CNTN4: variants seen among roughly 807,000 people sequenced by gnomAD.
CNTN4 encodes contactin 4.
A neutral mutation model predicts 122.5 loss-of-function variants in CNTN4; 77 were observed. The ratio of observed to expected loss-of-function variants is 0.63; its 90% CI spans 0.52 to 0.76. The LOEUF is 0.76. Among genes scored for constraint, CNTN4 ranks in the 30% least tolerant of loss-of-function variants. CNTN4 has a pLI of 0.00. For missense variants in CNTN4, 1,256 were observed against 1,259.1 expected, an observed-to-expected ratio of 1.00 and a Z score of 0.04; for synonymous variants, 512 against 447.0, an observed-to-expected ratio of 1.15 and a Z score of -1.83.
chr3:2,567,151 A>T (rs2079203163), intron 3 of CNTN4, among the ~76,000 whole-genome samples: 1 of 145,218 alleles, frequency 6.9e-6, no homozygotes, highest in African/African-American at 2.6e-5. Context: ...GTGATGCACG[A>T]TCTCGGCTCA....
At chr3:2,959,690 A>T (rs1486794023) in intron 13 of CNTN4, among the ~76,000 whole-genome samples, 1 of 151,878 alleles carries the variant, frequency 6.6e-6, no homozygotes, top group Admixed American at 6.6e-5. Flanking sequence ...AAAAAAAAAA[A>T]TCTTCTACTC....
intron 2 of CNTN4, among the ~76,000 whole-genome samples, chr3:2,332,468 G>C (rs960864129): frequency 6.6e-6 from 1 of 151,980 alleles, no homozygotes; most frequent in Non-Finnish European, 1.5e-5. Context: ...CATTTGATTA[G>C]AAACAGAGAC....
At chr3:2,388,127 T>A (rs1445359542) in intron 3 of CNTN4, among the ~76,000 whole-genome samples, 1 of 152,242 alleles carries the variant, frequency 6.6e-6, no homozygotes, top group Non-Finnish European at 1.5e-5. Context: ...TTTTGTGTTT[T>A]GTCTGCAGAA....
At chr3:2,183,792 C>A (rs2037127337) in intron 2 of CNTN4, among the ~76,000 whole-genome samples, 1 of 152,068 alleles carries the variant, frequency 6.6e-6, no homozygotes, top group African/African-American at 2.4e-5. Context: ...AGTCACATAA[C>A]CACCCCAAGC....
At chr3:2,658,095 A>G (rs1400743277) in intron 4 of CNTN4, among the ~76,000 whole-genome samples, 1 of 150,120 alleles carries the variant, frequency 6.7e-6, no homozygotes, top group African/African-American at 2.5e-5. Flanking sequence ...TGCTGTGCTT[A>G]TGAGACAGCC....
At chr3:3,038,397 C>T (rs1699814518) in intron 18 of CNTN4, among the ~76,000 whole-genome samples, 1 of 152,162 alleles carries the variant, frequency 6.6e-6, no homozygotes, top group South Asian at 2.1e-4. Context: ...ACTCTTCCTC[C>T]CAGAAGCCAT....
At chr3:2,544,626 A>G (rs1021129123) in intron 3 of CNTN4, among the ~76,000 whole-genome samples, 1 of 151,936 alleles carries the variant, frequency 6.6e-6, no homozygotes, top group Non-Finnish European at 1.5e-5. Flanking sequence ...GGTTTTATCC[A>G]TTTCTTCTAG....
chr3:2,361,168 G>A (rs1475477283), intron 3 of CNTN4, among the ~76,000 whole-genome samples: 1 of 152,074 alleles, frequency 6.6e-6, no homozygotes, highest in Non-Finnish European at 1.5e-5. Context: ...AATCTTAATA[G>A]CATTTTCTCT....
At chr3:2,802,093 C>T (rs1170942580) in intron 6 of CNTN4, among the ~76,000 whole-genome samples, 2 of 151,986 alleles carry the variant, frequency 1.3e-5, no homozygotes, top group Non-Finnish European at 2.9e-5. Flanking sequence ...ATTATTGTTA[C>T]CATCATTATC....
At chr3:2,265,047 G>C (rs2040987630) in intron 2 of CNTN4, among the ~76,000 whole-genome samples, 2 of 151,938 alleles carry the variant, frequency 1.3e-5, no homozygotes, top group South Asian at 4.1e-4. Context: ...AAAGTCCATT[G>C]TATCATTCTT....
chr3:2,111,545 A>C (rs972057884), intron 2 of CNTN4, among the ~76,000 whole-genome samples: 2 of 152,108 alleles, frequency 1.3e-5, no homozygotes, highest in African/African-American at 2.4e-5. Context: ...GGAAAACACT[A>C]TTTTATGTGA....
At chr3:2,877,764 A>G (rs2093861520) in intron 8 of CNTN4, among the ~76,000 whole-genome samples, 1 of 152,192 alleles carries the variant, frequency 6.6e-6, no homozygotes, top group African/African-American at 2.4e-5. Flanking sequence ...GCACCAATTA[A>G]TTGCAAAAGC....
chr3:2,392,868 C>T (rs1388742179), intron 3 of CNTN4, among the ~76,000 whole-genome samples: 1 of 152,080 alleles, frequency 6.6e-6, no homozygotes, highest in Non-Finnish European at 1.5e-5. Context: ...CAATAGAACA[C>T]CAAAACTCAT....
chr3:2,470,904 G>C (rs72997983), intron 3 of CNTN4, among the ~76,000 whole-genome samples: 1 of 152,088 alleles, frequency 6.6e-6, no homozygotes, highest in Non-Finnish European at 1.5e-5. Flanking sequence ...TGGATGCTTC[G>C]AGAGATGAAA....
At chr3:2,308,296 T>G (rs2042791504) in intron 2 of CNTN4, among the ~76,000 whole-genome samples, 1 of 152,082 alleles carries the variant, frequency 6.6e-6, no homozygotes, top group South Asian at 2.1e-4. Flanking sequence ...TTTTCTCAAT[T>G]GTTTTGTCAG....
chr3:2,340,710 T>TATATAGAGAGAG, intron 3 of CNTN4, among the ~76,000 whole-genome samples: 252 of 18,296 alleles, frequency 0.014, 13 homozygotes, highest in Non-Finnish European at 0.028. Context: ...TATATATATA[T>TATATAGAGAGAG]AGAGAGAGAG....
intron 7 of CNTN4, among the ~76,000 whole-genome samples, chr3:2,828,653 G>A (rs1239644876): frequency 2.0e-5 from 3 of 152,042 alleles, no homozygotes; most frequent in East Asian, 1.9e-4. Context: ...CAATTCAGAG[G>A]GGAAAGCTTA....
intron 3 of CNTN4, among the ~76,000 whole-genome samples, chr3:2,472,709 G>A (rs1575708489): frequency 1.3e-5 from 2 of 152,158 alleles, no homozygotes; most frequent in South Asian, 2.1e-4. Context: ...CCTTAAGCAG[G>A]CTCCATTGCA....
chr3:2,979,309 A>T (rs890637916), intron 13 of CNTN4, among the ~76,000 whole-genome samples: 3 of 152,172 alleles, frequency 2.0e-5, no homozygotes, highest in Non-Finnish European at 4.4e-5. Context: ...AAGGGGAGGT[A>T]AAAGGCTATA....
Sources: gnomAD v4.1 joint callset for allele counts (sites outside exome capture counted in the v4.1 genomes callset) on GRCh38, gnomAD v4.1.1 for gene constraint, MANE v1.5 for transcripts, NCBI Gene and HGNC (gene_info 2026-07-23, HGNC 2026-07-21) for gene names.